CSMD1: variants seen among roughly 807,000 people sequenced by gnomAD.
CSMD1 encodes CUB and sushi domain-containing protein 1.
In CSMD1, 213 loss-of-function variants were observed where a neutral mutation model predicts 417.5. The observed-to-expected ratio is 0.51, with a 90% CI of 0.46 to 0.57. The LOEUF (loss-of-function observed/expected upper bound fraction) is 0.57. CSMD1 is among the 20% of genes least tolerant of loss of function. The pLI, the probability that CSMD1 is intolerant of heterozygous loss-of-function variation, is 0.00. For synonymous variants in CSMD1, 2,862 were observed against 1,736.8 expected, an observed-to-expected ratio of 1.65 and a Z score of -16.11; for missense variants, 6,923 against 4,529.7, an observed-to-expected ratio of 1.53 and a Z score of -15.17.
chr8:3,790,265 C>T (rs2623678), intron 5 of CSMD1, among the ~76,000 whole-genome samples: 60,659 of 151,944 alleles, frequency 0.4, 13,047 homozygotes, highest in African/African-American at 0.56. Context: ...CAAACTGAAA[C>T]GAAATAACAG....
chr8:4,810,543 G>C (rs761715260), intron 1 of CSMD1, among the ~76,000 whole-genome samples: 2 of 151,878 alleles, frequency 1.3e-5, no homozygotes, highest in Non-Finnish European at 2.9e-5. Flanking sequence ...GTGTGTGTGC[G>C]CACGCGCGTA....
At chr8:3,523,580 C>T (rs1450426627) in intron 10 of CSMD1, among the ~76,000 whole-genome samples, 1 of 151,990 alleles carries the variant, frequency 6.6e-6, no homozygotes, top group Non-Finnish European at 1.5e-5. Context: ...CACACATGTA[C>T]ACACAGACAT....
chr8:4,095,527 C>T (rs1036784106), intron 3 of CSMD1, among the ~76,000 whole-genome samples: 2 of 152,160 alleles, frequency 1.3e-5, no homozygotes, highest in African/African-American at 4.8e-5. Flanking sequence ...CCACTAGTAT[C>T]AATGTAAACA....
At chr8:3,728,681 A>G (rs1481007518) in intron 6 of CSMD1, among the ~76,000 whole-genome samples, 3 of 151,932 alleles carry the variant, frequency 2.0e-5, no homozygotes, top group African/African-American at 7.3e-5. Flanking sequence ...AGAAAGTAGA[A>G]AGAGTGCTCT....
chr8:3,344,283 C>T (rs992257933), intron 22 of CSMD1, among the ~76,000 whole-genome samples: 1 of 152,074 alleles, frequency 6.6e-6, no homozygotes, highest in Non-Finnish European at 1.5e-5. Context: ...TCTGCCAATG[C>T]CATGAGGCTC....
Position 3,188,982 on chromosome 8 carries a change from T to C in CSMD1, c.5428A>G (p.Arg1810Gly), listed in dbSNP as rs1563126030. Residue 1810 changes from arginine (R) to glycine (G), a missense_variant, in exon 35 of 70, where the codon AGA becomes GGA. By Grantham distance (125) the Arg-to-Gly change is moderately radical. Coordinates refer to ENST00000635120, the MANE Select transcript of CSMD1 (RefSeq NM_033225.6). Reference sequence around the variant, plus strand: ...TAGCCGGGGGACAGGATTGTACCTCTTCGTTGAGTGAAATTGCCACTGCAG... The same window carrying C: ...TAGCCGGGGGACAGGATTGTACCTCCTCGTTGAGTGAAATTGCCACTGCAG... ...VPCSGNFTQR[R>G]GTILSPGYPE... 1 of 1,613,366 alleles carries C rather than the reference T, an allele frequency of 6.2e-7. No homozygotes were observed. Among genetic ancestry groups the C allele is most frequent in the Non-Finnish European group, 8.5e-7 (1 of 1,179,584 alleles).
intron 23 of CSMD1, among the ~76,000 whole-genome samples, chr8:3,312,815 T>G (rs932731475): frequency 1.7e-4 from 24 of 142,598 alleles, no homozygotes; most frequent in African/African-American, 6.3e-4. Flanking sequence ...CAGTTAGACT[T>G]CAATCTGGTG....
chr8:4,485,051 C>T (rs924114235), intron 2 of CSMD1, among the ~76,000 whole-genome samples: 7 of 141,338 alleles, frequency 5.0e-5, no homozygotes, highest in Non-Finnish European at 7.6e-5. Context: ...TGGCTTTCTT[C>T]CCATTTTCTA....
At chr8:3,539,880 G>C (rs1376209054) in intron 10 of CSMD1, among the ~76,000 whole-genome samples, 2 of 152,078 alleles carry the variant, frequency 1.3e-5, no homozygotes, top group African/African-American at 4.8e-5. Context: ...AACGAACTTA[G>C]AAAACGGCTT....
chr8:3,369,409 T>G (rs1208207240), intron 18 of CSMD1, 39 bp from the exon 19 acceptor site: 2 of 948,470 alleles, frequency 2.1e-6, no homozygotes, highest in South Asian at 2.8e-5. Context: ...GCACTAAAGT[T>G]TCACAATGAT....
intron 3 of CSMD1, among the ~76,000 whole-genome samples, chr8:4,365,683 C>T (rs752173177): frequency 4.6e-5 from 7 of 152,160 alleles, no homozygotes; most frequent in African/African-American, 1.2e-4. Flanking sequence ...AGGCAAACTC[C>T]AGCCTCTGAT....
At chr8:4,899,492 T>C (rs541213343) in intron 1 of CSMD1, among the ~76,000 whole-genome samples, 3 of 152,128 alleles carry the variant, frequency 2.0e-5, no homozygotes, top group Non-Finnish European at 4.4e-5. Flanking sequence ...GAAATCCCAA[T>C]ATGTTAGATC....
Position 3,616,806 on chromosome 8 carries a change from G to C in CSMD1, c.1010-9C>G, listed in dbSNP as rs373299764. On this transcript the variant is annotated splice_polypyrimidine_tract_variant and intron_variant, in intron 7 of 69. Transcript: ENST00000635120. ...AACACCTCCTTGGCTCACTGTAATA[G>C]ACAGAAACATTGTCAAAATGCTGTA... The C allele has an allele frequency of 6.3e-7, 1 of 1,594,712 alleles. No homozygotes were observed. The highest frequency in any genetic ancestry group is 8.6e-7 in the Non-Finnish European group (1 of 1,165,112).
chr8:4,026,818 G>A (rs1207316736), intron 4 of CSMD1, among the ~76,000 whole-genome samples: 1 of 152,174 alleles, frequency 6.6e-6, no homozygotes, highest in Non-Finnish European at 1.5e-5. Flanking sequence ...TATGGCTGTA[G>A]GGAGATGACA....
chr8:2,959,023 A>G (rs1017280994), intron 62 of CSMD1, among the ~76,000 whole-genome samples: 2 of 152,258 alleles, frequency 1.3e-5, no homozygotes, highest in African/African-American at 4.8e-5. Context: ...AATTTATCTA[A>G]ATGTCAAATC....
At chr8:4,668,933 A>G (rs1405433555) in intron 1 of CSMD1, among the ~76,000 whole-genome samples, 1 of 151,784 alleles carries the variant, frequency 6.6e-6, no homozygotes, top group African/African-American at 2.4e-5. Flanking sequence ...TCTTTTTCTA[A>G]TTCATCTATT....
chr8:4,268,752 A>T (rs1054361541), intron 3 of CSMD1, among the ~76,000 whole-genome samples: 44 of 134,354 alleles, frequency 3.3e-4, no homozygotes, highest in African/African-American at 1.5e-3. Flanking sequence ...TTAAATTGCT[A>T]AAAAAAAAAC....
intron 25 of CSMD1, among the ~76,000 whole-genome samples, chr8:3,303,241 G>A (rs530770337): frequency 6.6e-6 from 1 of 151,406 alleles, no homozygotes; most frequent in South Asian, 2.1e-4. Flanking sequence ...CATGGAGACT[G>A]GGGATAAATG....
intron 3 of CSMD1, among the ~76,000 whole-genome samples, chr8:4,082,603 T>G (rs916731046): frequency 2.8e-5 from 4 of 145,212 alleles, no homozygotes; most frequent in Non-Finnish European, 6.1e-5. Context: ...CCTTTCTTTT[T>G]TCGTTTTATT....
Sources: allele counts gnomAD v4.1 joint callset (sites outside exome capture counted in the v4.1 genomes callset), GRCh38; gene constraint gnomAD v4.1.1; transcripts MANE v1.5; gene names NCBI Gene and HGNC (gene_info 2026-07-23, HGNC 2026-07-21).